Variants in CEP76 observed in about 807,000 individuals in gnomAD.
CEP76 encodes centrosomal protein 76.
In CEP76, 55 loss-of-function variants were observed where a neutral mutation model predicts 83.3. That is an observed-to-expected ratio of 0.66 (90% confidence interval 0.53 to 0.83). The LOEUF (loss-of-function observed/expected upper bound fraction) is 0.83, where lower values mean the gene tolerates loss of function less well. Ranked by LOEUF, CEP76 falls within the 40% of genes least tolerant of loss-of-function variation. The pLI, the probability that CEP76 is intolerant of heterozygous loss-of-function variation, is 0.00. For missense variants in CEP76, 694 were observed against 799.5 expected (o/e 0.87, Z 1.59); for synonymous variants, 270 against 274.5 (o/e 0.98, Z 0.16).
intron 1 of CEP76, among the ~76,000 whole-genome samples, chr18:12,701,871 CTGTAA>C (rs1224791637): frequency 6.6e-6 from 1 of 152,228 alleles, no homozygotes; most frequent in Non-Finnish European, 1.5e-5. Flanking sequence ...AGGCTCACGC[CTGTAA>C]TCCCAGCACT....
chr18:12,678,753 C>T (rs1459039557), intron 9 of CEP76, among the ~76,000 whole-genome samples: 1 of 151,906 alleles, frequency 6.6e-6, no homozygotes. Context: ...GTCAAGAGTT[C>T]GAGACTAACC....
At chr18:12,700,916 A>G in intron 2 of CEP76, 42 bp downstream of exon 2, 2 of 1,504,222 alleles carry the variant, frequency 1.3e-6, no homozygotes, top group Non-Finnish European at 1.8e-6. Flanking sequence ...GCATTAGTAT[A>G]TACATATATA....
chr18:12,670,330 A>C (rs1159007597), downstream of CEP76: 2 of 124,656 alleles, frequency 1.6e-5, no homozygotes, highest in Non-Finnish European at 3.9e-5. Flanking sequence ...ACTCTGTCTC[A>C]AAAAAAAAAG....
intron 12 of CEP76, among the ~76,000 whole-genome samples, chr18:12,663,177 T>C (rs78704966): frequency 1.3e-5 from 2 of 152,350 alleles, no homozygotes; most frequent in Non-Finnish European, 2.9e-5. Flanking sequence ...CCAAATACTC[T>C]TTTATAGTCA....
At chr18:12,682,039 G>A (rs1359355356) in intron 8 of CEP76, among the ~76,000 whole-genome samples, 1 of 151,810 alleles carries the variant, frequency 6.6e-6, no homozygotes, top group Non-Finnish European at 1.5e-5. Flanking sequence ...CTGATACTGT[G>A]TTCTGTGAAA....
downstream of CEP76, among the ~76,000 whole-genome samples, chr18:12,667,766 A>G (rs2038832298): frequency 6.7e-6 from 1 of 150,322 alleles, no homozygotes; most frequent in Non-Finnish European, 1.5e-5. Context: ...TTCTCAAAAA[A>G]AAAAAAAAAA....
At chr18:12,697,514 A>C in intron 4 of CEP76, 106 bp from the exon 5 acceptor site, 1 of 767,220 alleles carries the variant, frequency 1.3e-6, no homozygotes. Context: ...TATAAAACCA[A>C]AGAGAACAAT....
chr18:12,698,788 G>A, intron 4 of CEP76, 191 bp downstream of exon 4: 2 of 575,132 alleles, frequency 3.5e-6, no homozygotes, highest in Non-Finnish European at 3.1e-6. Flanking sequence ...ATAATATCCA[G>A]GGAAAATGAA....
At position 12,673,507 on chromosome 18, in the gene CEP76, T is replaced by C. The variant is rs1375935415; in HGVS notation, c.1842-4A>G. On this transcript the variant is annotated splice_region_variant and splice_polypyrimidine_tract_variant and intron_variant, in intron 11 of 11. Transcript: ENST00000262127. ...TATTTCTTCACAGAAAGGAGATCTATTTAAGAAAAAAAAAATTATTCAATT... is the reference window on the plus strand; with the variant it reads ...TATTTCTTCACAGAAAGGAGATCTACTTAAGAAAAAAAAAATTATTCAATT... 7.0e-6 allele frequency: 11 copies of C among 1,565,482 alleles called. No individual in the cohort carries two copies. The highest frequency in any genetic ancestry group is 2.4e-5 in the East Asian group (1 of 42,494).
downstream of CEP76, among the ~76,000 whole-genome samples, chr18:12,671,920 A>G (rs1329490522): frequency 1.3e-5 from 2 of 152,122 alleles, no homozygotes; most frequent in Non-Finnish European, 2.9e-5. Context: ...TCCCAGGTTC[A>G]AGCGATTCTC....
At chr18:12,694,859 T>A (rs936264930) in intron 6 of CEP76, among the ~76,000 whole-genome samples, 2 of 151,712 alleles carry the variant, frequency 1.3e-5, no homozygotes, top group Non-Finnish European at 2.9e-5. Context: ...TACAGGTGCC[T>A]GCCACCACGC....
chr18:12,671,189 T>A (rs1488576383), downstream of CEP76: 4 of 152,182 alleles, frequency 2.6e-5, no homozygotes, highest in Non-Finnish European at 5.9e-5. Context: ...GGCCATCCTC[T>A]GGCCGCAGCC....
downstream of CEP76, among the ~76,000 whole-genome samples, chr18:12,668,021 T>C (rs1427846735): frequency 6.6e-6 from 1 of 151,990 alleles, no homozygotes; most frequent in African/African-American, 2.4e-5. Context: ...TCCCAGCACT[T>C]TGGGAGGCCG....
At chr18:12,691,555 A>C in intron 6 of CEP76, 68 bp from the exon 7 acceptor site, 1 of 1,185,976 alleles carries the variant, frequency 8.4e-7, no homozygotes. Context: ...ATATGTAGCA[A>C]ATTTATCTAC....
At chr18:12,662,549 G>T (rs186810679) in intron 12 of CEP76, among the ~76,000 whole-genome samples, 1 of 152,294 alleles carries the variant, frequency 6.6e-6, no homozygotes, top group East Asian at 1.9e-4. Flanking sequence ...GCTGAGGCAG[G>T]AGCATCATTT....
intron 4 of CEP76, among the ~76,000 whole-genome samples, chr18:12,698,589 C>T (rs1029677936): frequency 2.6e-5 from 4 of 152,168 alleles, no homozygotes; most frequent in African/African-American, 4.8e-5. Context: ...TGTGAGTCAC[C>T]GTGCTCAGCC....
chr18:12,664,119 C>T (rs9958917), intron 12 of CEP76, among the ~76,000 whole-genome samples: 1 of 151,780 alleles, frequency 6.6e-6, no homozygotes, highest in Non-Finnish European at 1.5e-5. Context: ...GAGCCGAGAT[C>T]GTGCCATTGC....
intron 6 of CEP76, among the ~76,000 whole-genome samples, chr18:12,694,962 G>A (rs2039899634): frequency 1.3e-5 from 2 of 151,792 alleles, no homozygotes; most frequent in African/African-American, 4.8e-5. Context: ...TGATCCGCCC[G>A]CCTCGGCCTC....
chr18:12,667,828 CCTG>C (rs1049276237), downstream of CEP76, among the ~76,000 whole-genome samples: 8 of 144,210 alleles, frequency 5.5e-5, no homozygotes, highest in African/African-American at 2.0e-4. Context: ...AAGCAATAGA[CCTG>C]CAGGTGCTTT....
Sources: gnomAD v4.1 joint callset for allele counts (sites outside exome capture counted in the v4.1 genomes callset) on GRCh38, gnomAD v4.1.1 for gene constraint, MANE v1.5 for transcripts, NCBI Gene and HGNC (gene_info 2026-07-23, HGNC 2026-07-21) for gene names.